VPS35L: variants seen among roughly 807,000 people sequenced by gnomAD.
The protein encoded by VPS35L is VPS35 endosomal protein-sorting factor-like.
In VPS35L, 83 loss-of-function variants were observed where a neutral mutation model predicts 133.0. The ratio of observed to expected loss-of-function variants is 0.62; its 90% CI spans 0.52 to 0.75. VPS35L has a LOEUF of 0.75. VPS35L is among the 30% of genes least tolerant of loss of function. VPS35L has a pLI of 0.00. For synonymous variants in VPS35L, 423 were observed against 449.9 expected (o/e 0.94, Z 0.76); for missense variants, 1,083 against 1,206.8 (o/e 0.90, Z 1.52).
At position 19,699,129 on chromosome 16, in the gene VPS35L, G is replaced by GGTGA. The variant is rs1352182380; in HGVS notation, c.2647-371_2647-368dup. Reference sequence around the variant, plus strand: ...GTAGTTTGAGGACACATCTGAAAGAGGTGAGCTGAAGCCTTTCAGTTTTCA... The same window carrying GGTGA: ...GTAGTTTGAGGACACATCTGAAAGAGGTGAGTGAGCTGAAGCCTTTCAGTTTTCA... On this transcript the variant is annotated intron_variant, in intron 29 of 30. Coordinates refer to ENST00000417362, the MANE Select transcript of VPS35L (RefSeq NM_020314.7). This position sits in a 1 kb window ranked among gnomAD's most constrained non-coding sequence, Gnocchi z 4.2. Among the ~76,000 whole-genome samples, 1 of 152,180 alleles carries GGTGA rather than the reference G, an allele frequency of 6.6e-6. No homozygotes were observed. The highest frequency in any genetic ancestry group is 1.5e-5 in the Non-Finnish European group (1 of 68,034).
At chr16:19,582,230 T>G (rs867750467) in intron 7 of VPS35L, 4 of 152,254 alleles carry the variant, frequency 2.6e-5, no homozygotes, top group Admixed American at 1.3e-4. Flanking sequence ...CTTATATGTC[T>G]TGGTCCTAAA....
chr16:19,642,239 C>T (rs1383144612), intron 21 of VPS35L, among the ~76,000 whole-genome samples, 157 bp from the exon 22 acceptor site: 1 of 152,096 alleles, frequency 6.6e-6, no homozygotes, highest in Non-Finnish European at 1.5e-5. Context: ...CTGAGACAAC[C>T]AGAGAACATG....
chr16:19,616,041 T>A, intron 12 of VPS35L, 73 bp from the exon 13 acceptor site: 1 of 1,077,700 alleles, frequency 9.3e-7, no homozygotes. Context: ...GTATATATAT[T>A]TTTTAATTTC....
intron 7 of VPS35L, among the ~76,000 whole-genome samples, chr16:19,585,430 AG>A (rs1234173492): frequency 6.9e-6 from 1 of 144,166 alleles, no homozygotes; most frequent in African/African-American, 2.5e-5. Flanking sequence ...TTTTTGAGAC[AG>A]GGTCTCTGTC....
chr16:19,626,321 G>A (rs1973260311), intron 15 of VPS35L, 98 bp downstream of exon 15: 11 of 883,096 alleles, frequency 1.2e-5, no homozygotes, highest in Non-Finnish European at 2.1e-5. Context: ...TGAAGAGAGA[G>A]AGGCAGGACT....
rs1401034836 is a variant in VPS35L at position 19,691,098 on chromosome 16, C to T, written c.2528-255C>T. 2.0e-5 allele frequency among the ~76,000 whole-genome samples: 3 copies of T among 152,334 alleles called. No homozygotes were observed. The East Asian group carries it at 5.8e-4, about 29-fold the overall frequency. On this transcript the variant is annotated intron_variant, in intron 28 of 30. Transcript: ENST00000417362. ...GATGATTATTATTATTAATGTCACC[C>T]CCGCTCCCCGCCACGCACACATGGG...
At position 19,666,312 on chromosome 16, in the gene VPS35L, G is replaced by A. The variant is rs1454788561; in HGVS notation, c.2222-2848G>A. Among the ~76,000 whole-genome samples the A allele has an allele frequency of 3.9e-5, 6 of 152,116 alleles. No individual in the cohort carries two copies. The East Asian group carries it at 5.8e-4, about 15-fold the overall frequency. On this transcript the variant is annotated intron_variant, in intron 26 of 30. Transcript: ENST00000417362. ...TCTGTAGGTCTTTAAAAAAAAATCC[G>A]TTATATCTTAAATGAGCTTCCATAG...
intron 8 of VPS35L, among the ~76,000 whole-genome samples, chr16:19,592,285 G>C (rs1285662760): frequency 2.1e-5 from 3 of 144,724 alleles, no homozygotes; most frequent in Admixed American, 1.4e-4. Flanking sequence ...TCGCAGTGTT[G>C]CCCAGGCTGC....
intron 27 of VPS35L, among the ~76,000 whole-genome samples, chr16:19,673,324 G>T (rs547532474): frequency 6.6e-6 from 1 of 152,190 alleles, no homozygotes; most frequent in Non-Finnish European, 1.5e-5. Flanking sequence ...ATCTCCCCTT[G>T]AAAAATCAGG....
In VPS35L at chr16:19,700,654, G is replaced by C. The variant is rs192467814; in HGVS notation, c.*178G>C. ...TTATTCTGACAATGAAGAAATGGGAGTTGTCAGAGCATTAAAATGCAATCT... is the reference window on the plus strand; with the variant it reads ...TTATTCTGACAATGAAGAAATGGGACTTGTCAGAGCATTAAAATGCAATCT... On this transcript the variant is annotated 3_prime_UTR_variant, in exon 31 of 31. Coordinates refer to ENST00000417362, the MANE Select transcript of VPS35L (RefSeq NM_020314.7). 1.7e-6 allele frequency: 1 copy of C among 588,072 alleles called. No homozygotes were observed. Among genetic ancestry groups the C allele is most frequent in the East Asian group, 2.8e-5 (1 of 35,982 alleles). 36.4% of individuals were successfully genotyped at this position (588,072 alleles called of 1,614,324 possible).
chr16:19,617,002 A>G, intron 14 of VPS35L, 194 bp downstream of exon 14: 1 of 803,166 alleles, frequency 1.2e-6, no homozygotes, highest in African/African-American at 1.7e-5. Flanking sequence ...TCATTTTGAC[A>G]GCTGTGGAAG....
intron 1 of VPS35L, among the ~76,000 whole-genome samples, chr16:19,561,790 A>T (rs1971037097): frequency 6.6e-6 from 1 of 152,110 alleles, no homozygotes; most frequent in Non-Finnish European, 1.5e-5. Flanking sequence ...TACAAATGAG[A>T]AGTGCACATG....
intron 29 of VPS35L, among the ~76,000 whole-genome samples, chr16:19,696,107 ATC>A (rs931155708): frequency 3.3e-5 from 5 of 152,142 alleles, no homozygotes; most frequent in African/African-American, 1.2e-4. Flanking sequence ...GATGGTCTCG[ATC>A]TCCTGACCTC....
chr16:19,668,267 C>T (rs559733546), intron 26 of VPS35L, among the ~76,000 whole-genome samples: 294 of 152,210 alleles, frequency 1.9e-3, no homozygotes, highest in Non-Finnish European at 3.4e-3. Flanking sequence ...TTGATCTTGT[C>T]GGGTAGTTTA....
intron 7 of VPS35L, among the ~76,000 whole-genome samples, chr16:19,583,228 C>T (rs546873827): frequency 1.6e-4 from 25 of 152,022 alleles, no homozygotes; most frequent in Non-Finnish European, 3.5e-4. Flanking sequence ...CAGATTCCCC[C>T]GAGCCTGTCT....
intron 5 of VPS35L, chr16:19,578,286 C>CT (rs557894286): frequency 0.065 from 24,986 of 385,380 alleles, 76 homozygotes; most frequent in East Asian, 0.089. Context: ...TTTCTTTTTT[C>CT]TTTTTTTTTT....
chr16:19,649,348 G>A (rs187325653), intron 24 of VPS35L, among the ~76,000 whole-genome samples: 13 of 152,242 alleles, frequency 8.5e-5, no homozygotes, highest in African/African-American at 3.1e-4. Context: ...GCATATCACA[G>A]CTTCATAAAA....
rs532430552 is a variant in VPS35L at position 19,672,421 on chromosome 16, G to A, written c.2361+3122G>A. On this transcript the variant is annotated intron_variant, in intron 27 of 30. Coordinates refer to ENST00000417362, the MANE Select transcript of VPS35L (RefSeq NM_020314.7). ...TCCAAAATTGACTGTATTGATGATC[G>A]CACAACTCTGTGAATATCCTGACAA... 7.5e-4 allele frequency among the ~76,000 whole-genome samples: 114 copies of A among 152,296 alleles called. 1 individual carries two copies. The highest frequency in any genetic ancestry group is 5.2e-3 in the South Asian group (25 of 4,818).
chr16:19,678,401 A>G (rs1165455839), intron 27 of VPS35L, among the ~76,000 whole-genome samples: 2 of 151,820 alleles, frequency 1.3e-5, no homozygotes, highest in African/African-American at 4.8e-5. Flanking sequence ...ATCTGAATCC[A>G]GAACCGTTTT....
Sources: allele counts gnomAD v4.1 joint callset (sites outside exome capture counted in the v4.1 genomes callset), GRCh38; gene constraint gnomAD v4.1.1; non-coding constraint Gnocchi (gnomAD v3.1); transcripts MANE v1.5; gene names NCBI Gene and HGNC (gene_info 2026-07-23, HGNC 2026-07-21).